COL12A1: variants seen among roughly 807,000 people sequenced by gnomAD.
COL12A1 encodes the protein collagen alpha-1(XII) chain.
A neutral mutation model predicts 349.7 loss-of-function variants in COL12A1; 114 were observed. That is an observed-to-expected ratio of 0.33 (90% CI 0.28 to 0.38). The LOEUF is 0.38. Among genes scored for constraint, COL12A1 ranks in the 10% least tolerant of loss-of-function variants. The probability of loss-of-function intolerance (pLI) is 1.00; values close to 1 mark genes in which losing one functional copy is unlikely to be tolerated. For missense variants in COL12A1, 3,284 were observed against 3,756.9 expected, an observed-to-expected ratio of 0.87 and a Z score of 3.29; for synonymous variants, 1,369 against 1,329.0, an observed-to-expected ratio of 1.03 and a Z score of -0.66.
intron 11 of COL12A1, among the ~76,000 whole-genome samples, chr6:75,180,488 T>A (rs938654576): frequency 6.6e-6 from 1 of 151,996 alleles, no homozygotes; most frequent in Admixed American, 6.6e-5. Context: ...CAAAAAATGG[T>A]TACAATGGTA....
intron 26 of COL12A1, 45 bp from the exon 27 acceptor site, chr6:75,142,206 A>G (rs1445893536): frequency 1.2e-6 from 2 of 1,609,998 alleles, no homozygotes; most frequent in Non-Finnish European, 1.7e-6. Context: ...CAAAGGGTTT[A>G]CTTTTGACAT....
intron 14 of COL12A1, among the ~76,000 whole-genome samples, chr6:75,163,747 T>A (rs538219470): frequency 6.6e-6 from 1 of 152,314 alleles, no homozygotes; most frequent in East Asian, 1.9e-4. Flanking sequence ...ATATTGAAAA[T>A]TTCTTAGATG....
At position 75,126,486 on chromosome 6, in the gene COL12A1, G is replaced by T; in HGVS notation, c.6341-16C>A. 1 of 1,606,908 alleles carries T rather than the reference G, an allele frequency of 6.2e-7. No homozygotes were observed. The highest frequency in any genetic ancestry group is 1.1e-5 in the South Asian group (1 of 90,550). On this transcript the variant is annotated splice_polypyrimidine_tract_variant and intron_variant, in intron 38 of 65. Coordinates refer to ENST00000322507, the MANE Select transcript of COL12A1 (RefSeq NM_004370.6). Reference sequence around the variant, plus strand: ...AGGAGTCCCACTGAAAACAAACATTGACACACATTACTGACCTTTTATTGG... The same window carrying T: ...AGGAGTCCCACTGAAAACAAACATTTACACACATTACTGACCTTTTATTGG...
In COL12A1 at chr6:75,133,411, G is replaced by A. The variant is rs200130428; in HGVS notation, c.5676C>T (p.Pro1892=). 1.6e-5 allele frequency: 25 copies of A among 1,607,528 alleles called. No homozygotes were observed. The highest frequency in any genetic ancestry group is 3.4e-5 in the South Asian group (3 of 89,032). The change falls in exon 34 of 66, where the codon CCC becomes CCT. Residue 1892 remains proline, a synonymous_variant. Transcript: ENST00000322507. ...AGGPEELVPI[P]GNTNYAILRN... is the part of the protein sequence containing the mutation. Reference sequence around the variant, plus strand: ...TAAGAATGGCATAATTGGTATTCCCGGGGATTGGTACCTAAAGATTTTAAT... The same window carrying A: ...TAAGAATGGCATAATTGGTATTCCCAGGGATTGGTACCTAAAGATTTTAAT...
intron 21 of COL12A1, among the ~76,000 whole-genome samples, chr6:75,149,838 T>TA (rs1562227931): frequency 1.3e-5 from 2 of 152,032 alleles, no homozygotes; most frequent in African/African-American, 2.4e-5. Context: ...GTTCATTTTT[T>TA]AAAAAAAGCA....
intron 11 of COL12A1, among the ~76,000 whole-genome samples, chr6:75,179,902 T>C (rs1255272418): frequency 2.0e-5 from 3 of 152,230 alleles, no homozygotes; most frequent in Non-Finnish European, 4.4e-5. Flanking sequence ...TGTAAACAAA[T>C]ACTGCTTAAA....
Position 75,086,290 on chromosome 6 carries a change from C to T in COL12A1, c.*257G>A. ...GGCTCCTCATGGCTGTGTGTTGGAACTTTTTTAAAATAATGTTTTTCTACA... is the reference window on the plus strand; with the variant it reads ...GGCTCCTCATGGCTGTGTGTTGGAATTTTTTTAAAATAATGTTTTTCTACA... On this transcript the variant is annotated 3_prime_UTR_variant, in exon 66 of 66. Coordinates refer to ENST00000322507, the MANE Select transcript of COL12A1 (RefSeq NM_004370.6). 4.2e-6 allele frequency: 1 copy of T among 237,362 alleles called. No individual in the cohort carries two copies. The highest frequency in any genetic ancestry group is 8.4e-6 in the Non-Finnish European group (1 of 119,480). 14.7% of individuals were successfully genotyped at this position (237,362 alleles called of 1,614,324 possible). A position where few individuals can be genotyped will look rare whatever the true frequency, so the allele number is the denominator to read the frequency against.
At chr6:75,194,773 G>T in intron 3 of COL12A1, 58 bp downstream of exon 3, 2 of 1,059,730 alleles carry the variant, frequency 1.9e-6, no homozygotes, top group South Asian at 1.6e-5. Flanking sequence ...AGAAGAGGTG[G>T]AGATTGAGTT....
At chr6:75,094,517 T>G (rs905118722) in intron 60 of COL12A1, among the ~76,000 whole-genome samples, 1 of 152,218 alleles carries the variant, frequency 6.6e-6, no homozygotes, top group Non-Finnish European at 1.5e-5. Flanking sequence ...ACTAAATATG[T>G]GTACTACTAT....
chr6:75,142,043 T>C lies in COL12A1; in HGVS notation c.4946A>G (p.Gln1649Arg), dbSNP rs928393001. ...DEGESPPVTA[Q>R]ETTRPVPAPT... Reference sequence around the variant, plus strand: ...GGAGCACAACTCACGGGTAGTTTCTTGAGCAGTCACTGGAGGAGACTCCCC... The same window carrying C: ...GGAGCACAACTCACGGGTAGTTTCTCGAGCAGTCACTGGAGGAGACTCCCC... Residue 1649 changes from glutamine to arginine, a missense_variant, in exon 27 of 66, where the codon CAA becomes CGA. Coordinates refer to ENST00000322507, the MANE Select transcript of COL12A1 (RefSeq NM_004370.6). The C allele has an allele frequency of 1.2e-6, 2 of 1,614,090 alleles. No individual in the cohort carries two copies. Among genetic ancestry groups the C allele is most frequent in the Non-Finnish European group, 1.7e-6 (2 of 1,179,982 alleles).
intron 14 of COL12A1, among the ~76,000 whole-genome samples, chr6:75,161,869 A>C (rs1768044502): frequency 6.6e-6 from 1 of 151,972 alleles, no homozygotes; most frequent in Non-Finnish European, 1.5e-5. Flanking sequence ...ATAACAGACA[A>C]ACAGCCAAAT....
intron 2 of COL12A1, 90 bp from the exon 3 acceptor site, chr6:75,195,037 C>G (rs1770147502): frequency 1.5e-6 from 1 of 684,730 alleles, no homozygotes; most frequent in Non-Finnish European, 2.4e-6. Context: ...GCAAAGCTTT[C>G]TAAAATTGTC....
chr6:75,151,414 TTAAC>T lies in COL12A1; in HGVS notation c.4001-131_4001-128del. 3 of 725,134 alleles carry T rather than the reference TTAAC, an allele frequency of 4.1e-6. No homozygotes were observed. In the South Asian group the frequency reaches 6.3e-5, roughly 15 times the overall value. 44.9% of individuals were successfully genotyped at this position (725,134 alleles called of 1,614,324 possible). Reference sequence around the variant, plus strand: ...CCAACTATGAAGGTTTAATAATTAGTTAACTAAAACATACATATTATTTTTCTCA... The same window carrying T: ...CCAACTATGAAGGTTTAATAATTAGTTAAAACATACATATTATTTTTCTCA... On this transcript the variant is annotated intron_variant, in intron 20 of 65. Coordinates refer to ENST00000322507, the MANE Select transcript of COL12A1 (RefSeq NM_004370.6).
chr6:75,194,076 C>T (rs1286127277), intron 3 of COL12A1, among the ~76,000 whole-genome samples: 1 of 152,072 alleles, frequency 6.6e-6, no homozygotes, highest in African/African-American at 2.4e-5. Flanking sequence ...GATTTATAAT[C>T]CTTTGGGTAT....
chr6:75,191,925 T>C, intron 4 of COL12A1, among the ~76,000 whole-genome samples, 165 bp from the exon 5 acceptor site: 1 of 151,994 alleles, frequency 6.6e-6, no homozygotes, highest in East Asian at 1.9e-4. Context: ...TACAAGTAAG[T>C]TATTTTAGTG....
At position 75,086,222 on chromosome 6, in the gene COL12A1, T is replaced by C. The variant is rs543632466; in HGVS notation, c.*325A>G. On this transcript the variant is annotated 3_prime_UTR_variant, in exon 66 of 66. Coordinates refer to ENST00000322507, the MANE Select transcript of COL12A1 (RefSeq NM_004370.6). ...TTGTTTTTCTTAAAATGGCATAGACTCCTCTGGTTAGTAGTTTTATTATGC... is the reference window on the plus strand; with the variant it reads ...TTGTTTTTCTTAAAATGGCATAGACCCCTCTGGTTAGTAGTTTTATTATGC... The C allele has an allele frequency of 5.9e-6, 1 of 168,630 alleles. No homozygotes were observed. Among genetic ancestry groups the C allele is most frequent in the East Asian group, 1.5e-4 (1 of 6,570 alleles). The allele number at this position is 168,630 out of a possible 1,614,324, so 10.4% of individuals were successfully genotyped here.
chr6:75,170,574 A>C (rs1768573439), intron 13 of COL12A1, among the ~76,000 whole-genome samples: 2 of 152,214 alleles, frequency 1.3e-5, no homozygotes, highest in African/African-American at 4.8e-5. Flanking sequence ...TTGAGCAAAA[A>C]AGTGTTTCTT....
At position 75,202,921 on chromosome 6, in the gene COL12A1, C is replaced by G. The variant is rs138837731; in HGVS notation, c.-35-94G>C. 6.5e-4 allele frequency: 489 copies of G among 747,968 alleles called. 1 individual carries two copies. In the African/African-American group the frequency reaches 7.8e-3, roughly 12 times the overall value. The allele number at this position is 747,968 out of a possible 1,614,324, so 46.3% of individuals were successfully genotyped here. On this transcript the variant is annotated intron_variant, in intron 1 of 65. Transcript: ENST00000322507. ...GCCTGGACCTAGTCCAGAACCCGAC[C>G]AGATCTGCCTTAAAAACCACAGGGC...
chr6:75,086,487 T>G lies in COL12A1; in HGVS notation c.*60A>C. 4 of 1,532,708 alleles carry G rather than the reference T, an allele frequency of 2.6e-6. No homozygotes were observed. The highest frequency in any genetic ancestry group is 3.6e-6 in the Non-Finnish European group (4 of 1,121,312). 94.9% of individuals were successfully genotyped at this position (1,532,708 alleles called of 1,614,324 possible). A position where few individuals can be genotyped will look rare whatever the true frequency, so the allele number is the denominator to read the frequency against. On this transcript the variant is annotated 3_prime_UTR_variant, in exon 66 of 66. Coordinates refer to ENST00000322507, the MANE Select transcript of COL12A1 (RefSeq NM_004370.6). Reference sequence around the variant, plus strand: ...CCTAATAAGCACGTGCGCAAACATCTCAGAAACAGGATTTTCATGTATTCA... The same window carrying G: ...CCTAATAAGCACGTGCGCAAACATCGCAGAAACAGGATTTTCATGTATTCA...
Sources: gnomAD v4.1 joint callset for allele counts (sites outside exome capture counted in the v4.1 genomes callset) on GRCh38, gnomAD v4.1.1 for gene constraint, MANE v1.5 for transcripts, NCBI Gene and HGNC (gene_info 2026-07-23, HGNC 2026-07-21) for gene names.